C13orf42: variants seen among roughly 807,000 people sequenced by gnomAD.
The protein encoded by C13orf42 is uncharacterized protein C13orf42.
intron 1 of C13orf42, among the ~76,000 whole-genome samples, chr13:51,168,728 G>A (rs1214016453): frequency 6.6e-6 from 1 of 152,156 alleles, no homozygotes; most frequent in Non-Finnish European, 1.5e-5. Context: ...ACATCAAATG[G>A]TAATCCCCAA....
intron 1 of C13orf42, among the ~76,000 whole-genome samples, chr13:51,140,203 C>A (rs1431426878): frequency 6.6e-6 from 1 of 152,170 alleles, no homozygotes; most frequent in Non-Finnish European, 1.5e-5. Flanking sequence ...CTAGAAGCTC[C>A]CTCCCTGCTT....
At chr13:51,141,013 A>G (rs979994851) in intron 1 of C13orf42, among the ~76,000 whole-genome samples, 1 of 151,916 alleles carries the variant, frequency 6.6e-6, no homozygotes, top group African/African-American at 2.4e-5. Context: ...TATGGTAATA[A>G]GATTAAAAAA....
At chr13:51,160,997 G>T (rs1357586568) in intron 1 of C13orf42, among the ~76,000 whole-genome samples, 1 of 146,914 alleles carries the variant, frequency 6.8e-6, no homozygotes, top group East Asian at 2.0e-4. Context: ...GCCAGTTGTC[G>T]CATTGTCCAA....
rs571789389 is a variant in C13orf42, at chr13:51,135,997, G to A, written n.137-22775C>T. Among the ~76,000 whole-genome samples the A allele has an allele frequency of 2.6e-5, 4 of 152,314 alleles. No homozygotes were observed. The South Asian group carries it at 6.2e-4, about 24-fold the overall frequency. On this transcript the variant is annotated intron_variant and non_coding_transcript_variant, in intron 1 of 4. Coordinates refer to the C13orf42 transcript ENST00000433280. The stretch of plus-strand genomic sequence containing the variant: ...GCTGATGAGGGTAAACCCGAGATTA[G>A]CATTTGCAGGGCGTGACCTCCACCC...
At chr13:51,143,557 GC>G (rs1409635110) in intron 1 of C13orf42, among the ~76,000 whole-genome samples, 1 of 152,056 alleles carries the variant, frequency 6.6e-6, no homozygotes, top group Non-Finnish European at 1.5e-5. Context: ...TTATACTAGG[GC>G]CCCTTGTTTA....
chr13:51,115,853 A>G (rs1953486150), upstream of C13orf42, among the ~76,000 whole-genome samples: 1 of 152,222 alleles, frequency 6.6e-6, no homozygotes, highest in African/African-American at 2.4e-5. Context: ...TGGTTGCACT[A>G]TGAATTCTGA....
intron 1 of C13orf42, among the ~76,000 whole-genome samples, chr13:51,127,108 A>T (rs959085628): frequency 6.6e-6 from 1 of 152,194 alleles, no homozygotes; most frequent in Non-Finnish European, 1.5e-5. Flanking sequence ...ACAAGGCTAC[A>T]GTGAGCTGTG....
intron 1 of C13orf42, among the ~76,000 whole-genome samples, chr13:51,088,404 G>A (rs1174608970): frequency 6.6e-6 from 1 of 152,200 alleles, no homozygotes; most frequent in Admixed American, 6.5e-5. Flanking sequence ...ACCCAATTAG[G>A]AGATTGTACA....
intron 1 of C13orf42, among the ~76,000 whole-genome samples, chr13:51,094,139 T>C (rs1953209277): frequency 6.6e-6 from 1 of 152,192 alleles, no homozygotes; most frequent in Non-Finnish European, 1.5e-5. Flanking sequence ...CCTCTGAACT[T>C]TTAGACATAA....
At chr13:51,170,194 C>T (rs1258206175) in intron 1 of C13orf42, among the ~76,000 whole-genome samples, 1 of 152,128 alleles carries the variant, frequency 6.6e-6, no homozygotes, top group Non-Finnish European at 1.5e-5. Context: ...TAAAACGGCC[C>T]CACCCTTATC....
In C13orf42 at chr13:51,097,823, A is replaced by G. The variant is rs1318231901; in HGVS notation, c.415-9748T>C. 2.0e-5 allele frequency among the ~76,000 whole-genome samples: 3 copies of G among 151,994 alleles called. No homozygotes were observed. The East Asian group carries it at 5.8e-4, about 29-fold the overall frequency. On this transcript the variant is annotated intron_variant, in intron 1 of 3. Transcript: ENST00000563710. ...TGTAATGCAGGCTGTTTCCTGCTGC[A>G]GCCTTCCCGGCTGAGTTTCACAGGG...
chr13:51,132,405 C>G (rs1457938184), intron 1 of C13orf42, among the ~76,000 whole-genome samples: 6 of 151,676 alleles, frequency 4.0e-5, no homozygotes, highest in Non-Finnish European at 7.4e-5. Context: ...TGCAATCCAG[C>G]CTGGTGACAG....
intron 1 of C13orf42, among the ~76,000 whole-genome samples, chr13:51,126,654 G>A (rs906456358): frequency 1.3e-5 from 2 of 152,210 alleles, no homozygotes; most frequent in Admixed American, 6.5e-5. Context: ...TAACTTCTGA[G>A]AGTGCTGCCT....
At position 51,087,948 on chromosome 13, in the gene C13orf42, T is replaced by G; in HGVS notation, c.542A>C (p.Asn181Thr). The G allele has an allele frequency of 2.5e-6, 1 of 399,058 alleles. No individual in the cohort carries two copies. The highest frequency in any genetic ancestry group is 4.4e-6 in the Non-Finnish European group (1 of 226,274). The allele number at this position is 399,058 out of a possible 1,614,324, so 24.7% of individuals were successfully genotyped here. A position where few individuals can be genotyped will look rare whatever the true frequency, so the allele number is the denominator to read the frequency against. ...CTCACCGTCAAAGTCCACATCTTCA[T>G]TTGGCAGGCTGGCCTCAGCAGCCCG... Reference protein sequence around the residue: ...RPRAAEASLPNEDVDFDVATS... With the variant: ...RPRAAEASLPTEDVDFDVATS... Residue 181 changes from asparagine to threonine, a missense_variant, in exon 2 of 4, where the codon AAT becomes ACT. By Grantham distance (65) the Asn-to-Thr change is moderately conservative (BLOSUM62 0). Transcript: ENST00000563710.
At chr13:51,168,719 C>CT (rs957207750) in intron 1 of C13orf42, among the ~76,000 whole-genome samples, 1 of 152,226 alleles carries the variant, frequency 6.6e-6, no homozygotes, top group African/African-American at 2.4e-5. Flanking sequence ...CCAAATCCCA[C>CT]ATCAAATGGT....
intron 1 of C13orf42, among the ~76,000 whole-genome samples, chr13:51,121,597 G>A (rs1404042411): frequency 1.3e-5 from 2 of 150,646 alleles, no homozygotes; most frequent in Non-Finnish European, 2.9e-5. Flanking sequence ...GTGCAGTGGC[G>A]TGGTCTCGGC....
At chr13:51,141,104 GT>G (rs1953692970) in intron 1 of C13orf42, among the ~76,000 whole-genome samples, 1 of 140,716 alleles carries the variant, frequency 7.1e-6, no homozygotes, top group Non-Finnish European at 1.5e-5. Context: ...AGGTGTGTGT[GT>G]GTGTGTGTGT....
intron 1 of C13orf42, among the ~76,000 whole-genome samples, chr13:51,170,112 C>T (rs938321104): frequency 1.3e-5 from 2 of 152,120 alleles, no homozygotes; most frequent in Non-Finnish European, 2.9e-5. Context: ...GAGCACCTTG[C>T]GATCCCCACT....
chr13:51,099,819 C>A (rs1055920911), intron 1 of C13orf42, among the ~76,000 whole-genome samples: 1 of 152,222 alleles, frequency 6.6e-6, no homozygotes, highest in South Asian at 2.1e-4. Context: ...AATCTTAAAG[C>A]CATTACTTAT....
Sources: allele counts gnomAD v4.1 joint callset (sites outside exome capture counted in the v4.1 genomes callset), GRCh38; gene constraint gnomAD v4.1.1; transcripts MANE v1.5; gene names NCBI Gene and HGNC (gene_info 2026-07-23, HGNC 2026-07-21).